EIF4ENIF1: variants seen among roughly 807,000 people sequenced by gnomAD.
EIF4ENIF1 encodes eukaryotic translation initiation factor 4E nuclear import factor 1, also known as eukaryotic translation initiation factor 4E transporter.
In EIF4ENIF1, 23 loss-of-function variants were observed where a neutral mutation model predicts 110.5. That is an observed-to-expected ratio of 0.21 (90% CI 0.15 to 0.29). The LOEUF (loss-of-function observed/expected upper bound fraction) is 0.29. Ranked by LOEUF, EIF4ENIF1 falls within the 10% of genes least tolerant of loss-of-function variation. EIF4ENIF1 has a pLI of 1.00. For missense variants in EIF4ENIF1, 1,031 were observed against 1,221.1 expected (o/e 0.84, Z 2.32); for synonymous variants, 440 against 437.0 (o/e 1.01, Z -0.09).
chr22:31,490,767 A>G (rs943432470), upstream of EIF4ENIF1, among the ~76,000 whole-genome samples: 2 of 152,170 alleles, frequency 1.3e-5, no homozygotes, highest in Admixed American at 6.5e-5. Context: ...ACAAGCACCC[A>G]TTTCTGCCCT....
rs776375081 is a variant in EIF4ENIF1 at position 31,454,315 on chromosome 22, A to G, written c.1341T>C (p.Val447=). 1.5e-5 allele frequency: 25 copies of G among 1,614,050 alleles called. No individual in the cohort carries two copies. The highest frequency in any genetic ancestry group is 1.9e-5 in the Non-Finnish European group (23 of 1,180,042). The change falls in exon 10 of 19, where the codon GTT becomes GTC. Residue 447 remains valine, a synonymous_variant. Transcript: ENST00000330125. ...EVEAGLKGLK[V]DQQVKNSTPF... ...GAGTTGAATTCTTCACTTGCTGGTC[A>G]ACCTTCAAGCCCTTCAGACCTGCTT...
rs1285063966 is a variant in EIF4ENIF1, at chr22:31,455,855, C to A, written c.1096G>T (p.Ala366Ser). ...GCAGAATCTGAAGCCATTTTACCTGCAAGTCTCTCTAGCTCTTCATGTGGT... is the reference window on the plus strand; with the variant it reads ...GCAGAATCTGAAGCCATTTTACCTGAAAGTCTCTCTAGCTCTTCATGTGGT... Reference protein sequence around the residue: ...STPHEELERLAGLEQAILSPG... With the variant: ...STPHEELERLSGLEQAILSPG... The change falls in exon 8 of 19, where the codon GCA becomes TCA. Residue 366 changes from alanine (A) to serine (S), a missense_variant. By Grantham distance (99) the Ala-to-Ser change is moderately conservative. Transcript: ENST00000330125. The A allele has an allele frequency of 6.2e-7, 1 of 1,614,012 alleles. No individual in the cohort carries two copies. Among genetic ancestry groups the A allele is most frequent in the Non-Finnish European group, 8.5e-7 (1 of 1,179,962 alleles).
intron 7 of EIF4ENIF1, 123 bp from the exon 8 acceptor site, chr22:31,456,110 C>T (rs2050803024): frequency 9.5e-6 from 9 of 947,104 alleles, no homozygotes; most frequent in East Asian, 2.7e-5. Flanking sequence ...AAGATAAATA[C>T]TCTCAGAACC....
rs879302712 is a variant in EIF4ENIF1, at chr22:31,452,000, G to A, written c.1513-1640C>T. Among the ~76,000 whole-genome samples, 7 of 152,174 alleles carry A rather than the reference G, an allele frequency of 4.6e-5. No individual in the cohort carries two copies. The East Asian group carries it at 7.7e-4, about 17-fold the overall frequency. The stretch of plus-strand genomic sequence containing the variant: ...TGTTGATTTTGGAACTGGGACTAAA[G>A]GCAGATGATTTTATAAGTAATCTCT... On this transcript the variant is annotated intron_variant, in intron 10 of 18. Transcript: ENST00000330125.
chr22:31,459,578 A>G lies in EIF4ENIF1; in HGVS notation c.788-928T>C, dbSNP rs1022065876. On this transcript the variant is annotated intron_variant, in intron 6 of 18. Transcript: ENST00000330125. ...TCTCTGAGTACTTGTCACACTGTAT[A>G]ATAGTAACTCTCTGGTGAGGCTAAA... Among the ~76,000 whole-genome samples the G allele has an allele frequency of 5.2e-3, 790 of 152,182 alleles. 5 individuals carry two copies. The highest frequency in any genetic ancestry group is 0.018 in the African/African-American group (748 of 41,506).
rs757920159 is a variant in EIF4ENIF1 at position 31,448,204 on chromosome 22, G to A, written c.1797C>T (p.Leu599=). ...TGCGCATGCCTTGGAATGGATCTCC[G>A]AGTAGCTGCTGTGGTCCTGGTGTGA... The part of the protein sequence containing the change: ...IGFTPGPQQL[L]GDPFQGMRKP... The change falls in exon 13 of 19, where the codon CTC becomes CTT. Residue 599 remains leucine, a synonymous_variant. Coordinates refer to ENST00000330125, the MANE Select transcript of EIF4ENIF1 (RefSeq NM_019843.4). The A allele has an allele frequency of 4.3e-6, 7 of 1,614,194 alleles. No individual in the cohort carries two copies. Among genetic ancestry groups the A allele is most frequent in the Non-Finnish European group, 5.9e-6 (7 of 1,180,024 alleles).
rs1569086097 is a variant in EIF4ENIF1, at chr22:31,462,985, T to C, written c.734A>G (p.Glu245Gly). 1 of 1,614,162 alleles carries C rather than the reference T, an allele frequency of 6.2e-7. No individual in the cohort carries two copies. The highest frequency in any genetic ancestry group is 2.2e-5 in the East Asian group (1 of 44,876). ...LTGFDDKILE[E>G]DHKGRKRTRR... ...TGTTCTTTTTCTCCCTTTGTGATCT[T>C]CTTCTAGTATCTTATCATCAAAGCC... Residue 245 changes from glutamate to glycine, a missense_variant, in exon 6 of 19, where the codon GAA becomes GGA. Glu to Gly is a moderately conservative substitution (Grantham distance 98). Transcript: ENST00000330125.
At chr22:31,447,660 G>C in intron 13 of EIF4ENIF1, 95 bp from the exon 14 acceptor site, 2 of 1,399,648 alleles carry the variant, frequency 1.4e-6, no homozygotes, top group Non-Finnish European at 1.9e-6. Flanking sequence ...ATGTTAAGCA[G>C]AAGCTGAAAA....
chr22:31,468,258 G>A lies in EIF4ENIF1; in HGVS notation c.215C>T (p.Pro72Leu). The A allele has an allele frequency of 6.2e-7, 1 of 1,614,166 alleles. No individual in the cohort carries two copies. Reference protein sequence around the residue: ...DPEKWHASLYPASGRSSPVES... With the variant: ...DPEKWHASLYLASGRSSPVES... ...CACTGGTGAGCTCCGCCCTGAAGCT[G>A]GGTAGAGAGAGGCATGCCACTTCTC... The change falls in exon 4 of 19, where the codon CCA becomes CTA. Residue 72 changes from proline (P) to leucine (L), a missense_variant. Around this residue, in one of 3 missense-constraint regions of EIF4ENIF1, gnomAD observed 704 missense variants for 879.7 expected, o/e 0.80. Transcript: ENST00000330125.
chr22:31,478,469 T>C (rs938378860), intron 2 of EIF4ENIF1, among the ~76,000 whole-genome samples: 1 of 134,506 alleles, frequency 7.4e-6, no homozygotes, highest in Admixed American at 8.4e-5. Flanking sequence ...TGAGCCGAGA[T>C]CATGCCACAG....
At chr22:31,470,217 T>G (rs1175784459) in intron 3 of EIF4ENIF1, among the ~76,000 whole-genome samples, 3 of 148,894 alleles carry the variant, frequency 2.0e-5, no homozygotes, top group Non-Finnish European at 4.4e-5. Context: ...ATAGCCATTA[T>G]TCAAGTATCA....
At chr22:31,471,802 T>C (rs767482208) in intron 3 of EIF4ENIF1, 42 bp downstream of exon 3, 4 of 1,505,988 alleles carry the variant, frequency 2.7e-6, no homozygotes, top group Non-Finnish European at 3.6e-6. Context: ...TAACAAAAAG[T>C]TATTGACTAG....
intron 2 of EIF4ENIF1, among the ~76,000 whole-genome samples, chr22:31,474,692 T>C (rs966423228): frequency 6.6e-6 from 1 of 151,978 alleles, no homozygotes; most frequent in Non-Finnish European, 1.5e-5. Context: ...CACTTACATA[T>C]ACACACATAT....
chr22:31,451,431 G>A (rs1466763563), intron 10 of EIF4ENIF1, among the ~76,000 whole-genome samples: 1 of 150,872 alleles, frequency 6.6e-6, no homozygotes, highest in East Asian at 1.9e-4. Context: ...ATGCCACCAC[G>A]CCCAGCTAAT....
chr22:31,450,730 ACACACACACACT>A (rs1028230977), intron 10 of EIF4ENIF1: 1 of 283,780 alleles, frequency 3.5e-6, no homozygotes, highest in Non-Finnish European at 6.9e-6. Flanking sequence ...ACACACACAC[ACACACACACACT>A]CATATATACA....
intron 10 of EIF4ENIF1, chr22:31,453,531 C>A (rs902552362): frequency 2.5e-5 from 5 of 203,272 alleles, no homozygotes; most frequent in African/African-American, 4.7e-5. Context: ...CATGCCCCCA[C>A]GCCTGGCTAA....
intron 6 of EIF4ENIF1, chr22:31,461,796 T>A (rs1001879405): frequency 1.3e-5 from 2 of 152,244 alleles, no homozygotes; most frequent in African/African-American, 4.8e-5. Context: ...AATACCATGA[T>A]GAAGAAGGTA....
chr22:31,464,707 T>A (rs866140632), intron 4 of EIF4ENIF1, among the ~76,000 whole-genome samples: 989 of 59,292 alleles, frequency 0.017, 15 homozygotes, highest in Middle Eastern at 0.033. Context: ...AAAATATATA[T>A]ATATATATAT....
chr22:31,489,846 G>C (rs1186708039), upstream of EIF4ENIF1: 2 of 151,610 alleles, frequency 1.3e-5, no homozygotes, highest in Non-Finnish European at 2.9e-5. Flanking sequence ...CGTAACTGCA[G>C]CCCGGCCCTC....
Sources: gnomAD v4.1 joint callset for allele counts (sites outside exome capture counted in the v4.1 genomes callset) on GRCh38, gnomAD v4.1.1 for gene constraint, gnomAD v4.1.1 regional missense constraint, MANE v1.5 for transcripts, NCBI Gene and HGNC (gene_info 2026-07-23, HGNC 2026-07-21) for gene names.